ENTREP2: variants seen among roughly 807,000 people sequenced by gnomAD.
The protein encoded by ENTREP2 is endosomal transmembrane epsin interactor 2, also known as protein ENTREP2.
At chr15:29,200,789 T>C in the ENTREP2 span, among the ~76,000 whole-genome samples, 1 of 152,156 alleles carries the variant, frequency 6.6e-6, no homozygotes, top group Admixed American at 6.5e-5. Flanking sequence ...CTTGGACTCC[T>C]GACCTCAGGT....
chr15:29,578,086 T>C, the ENTREP2 span, among the ~76,000 whole-genome samples: 1 of 152,354 alleles, frequency 6.6e-6, no homozygotes, highest in African/African-American at 2.4e-5. Context: ...GTAAATTTTA[T>C]ATTATGTATA....
At chr15:29,143,206 A>G in the ENTREP2 span, among the ~76,000 whole-genome samples, 2 of 152,202 alleles carry the variant, frequency 1.3e-5, no homozygotes, top group African/African-American at 4.8e-5. Flanking sequence ...ATTGCTGACT[A>G]ACTGAATGAA....
the ENTREP2 span, among the ~76,000 whole-genome samples, chr15:29,138,650 T>TATGTGC: frequency 6.6e-6 from 1 of 151,820 alleles, no homozygotes; most frequent in Admixed American, 6.6e-5. Flanking sequence ...TGTGTATGTG[T>TATGTGC]ATGTGCATGT....
At chr15:29,674,853 C>T in the ENTREP2 span, 1 of 152,606 alleles carries the variant, frequency 6.6e-6, no homozygotes, top group Non-Finnish European at 1.5e-5. Context: ...CGCACTAGCG[C>T]CCCGCACCTG....
At chr15:29,142,491 C>T in the ENTREP2 span, among the ~76,000 whole-genome samples, 1 of 152,222 alleles carries the variant, frequency 6.6e-6, no homozygotes. Context: ...CCCCAGAGTG[C>T]CCTCTCCAGC....
the ENTREP2 span, among the ~76,000 whole-genome samples, chr15:29,478,473 C>A: frequency 6.6e-6 from 1 of 152,094 alleles, no homozygotes; most frequent in Non-Finnish European, 1.5e-5. Context: ...ATATTTGTCC[C>A]CGCCCAGATT....
the ENTREP2 span, among the ~76,000 whole-genome samples, chr15:29,432,138 A>T: frequency 6.6e-6 from 1 of 152,204 alleles, no homozygotes; most frequent in East Asian, 1.9e-4. Flanking sequence ...ATGTTCTCTC[A>T]ACTCATGGAG....
chr15:29,440,893 C>A, the ENTREP2 span, among the ~76,000 whole-genome samples: 2 of 152,180 alleles, frequency 1.3e-5, no homozygotes, highest in Non-Finnish European at 2.9e-5. Context: ...GTCTCCCCAT[C>A]CCAAAAAAGA....
chr15:29,592,337 A>G, the ENTREP2 span, among the ~76,000 whole-genome samples: 1 of 152,188 alleles, frequency 6.6e-6, no homozygotes, highest in East Asian at 1.9e-4. Flanking sequence ...GTGTTGCTAT[A>G]ACAGAATACC....
chr15:29,536,940 C>T, the ENTREP2 span, among the ~76,000 whole-genome samples: 1 of 152,118 alleles, frequency 6.6e-6, no homozygotes, highest in African/African-American at 2.4e-5. Context: ...CCTGGAGTCT[C>T]AGAGGGAGCA....
chr15:29,510,142 G>A, the ENTREP2 span, among the ~76,000 whole-genome samples: 14 of 152,172 alleles, frequency 9.2e-5, 1 homozygote, highest in Non-Finnish European at 1.8e-4. Context: ...GCAAACACAT[G>A]AAAACAAACT....
chr15:29,605,884 T>C, the ENTREP2 span, among the ~76,000 whole-genome samples: 1 of 151,978 alleles, frequency 6.6e-6, no homozygotes, highest in South Asian at 2.1e-4. Context: ...ATAAAATATA[T>C]GGCTTAATGA....
chr15:29,580,167 T>C, the ENTREP2 span, among the ~76,000 whole-genome samples: 4 of 152,076 alleles, frequency 2.6e-5, no homozygotes, highest in Non-Finnish European at 5.9e-5. Context: ...TTTCTAAGCT[T>C]CTGGACAGTA....
the ENTREP2 span, among the ~76,000 whole-genome samples, chr15:29,446,351 TG>T: frequency 6.6e-6 from 1 of 151,840 alleles, no homozygotes; most frequent in Non-Finnish European, 1.5e-5. Flanking sequence ...ACTAAAGAGG[TG>T]AGGGGGGAAG....
the ENTREP2 span, among the ~76,000 whole-genome samples, chr15:29,536,385 G>C: frequency 6.6e-6 from 1 of 152,060 alleles, no homozygotes; most frequent in South Asian, 2.1e-4. Flanking sequence ...ATGTCACCGA[G>C]GCACTACATT....
At chr15:29,394,880 C>T in the ENTREP2 span, among the ~76,000 whole-genome samples, 20 of 68,938 alleles carry the variant, frequency 2.9e-4, no homozygotes, top group African/African-American at 9.5e-4. Flanking sequence ...GTGTCAGAAT[C>T]TCTTTTTTTT....
At chr15:29,304,847 T>C in the ENTREP2 span, among the ~76,000 whole-genome samples, 153 of 152,274 alleles carry the variant, frequency 1.0e-3, 1 homozygote, top group Admixed American at 3.8e-3. Context: ...GTACTGACTA[T>C]TCCCTCTGCC....
At chr15:29,609,379 G>GA in the ENTREP2 span, among the ~76,000 whole-genome samples, 1 of 150,114 alleles carries the variant, frequency 6.7e-6, no homozygotes, top group Non-Finnish European at 1.5e-5. Flanking sequence ...AACTCATGTT[G>GA]AAATTTAATT....
chr15:29,481,297 T>C, the ENTREP2 span, among the ~76,000 whole-genome samples: 2 of 152,258 alleles, frequency 1.3e-5, no homozygotes, highest in Admixed American at 1.3e-4. Flanking sequence ...CTACAAAATA[T>C]CTGGGGGTGG....
Sources: gnomAD v4.1 joint callset for allele counts (sites outside exome capture counted in the v4.1 genomes callset) on GRCh38, gnomAD v4.1.1 for gene constraint, MANE v1.5 for transcripts, NCBI Gene and HGNC (gene_info 2026-07-23, HGNC 2026-07-21) for gene names.